The following CADM2 variants were observed in gnomAD, a reference collection of about 807,000 sequenced individuals.
CADM2 encodes the protein immunoglobulin superfamily member 4D.
In CADM2, 12 loss-of-function variants were observed where a neutral mutation model predicts 49.8. The ratio of observed to expected loss-of-function variants is 0.24; its 90% CI spans 0.15 to 0.39. CADM2 has a LOEUF of 0.39. Ranked by LOEUF, CADM2 falls within the 10% of genes least tolerant of loss-of-function variation. CADM2 has a pLI of 1.00. For missense variants in CADM2, 378 were observed against 492.3 expected (o/e 0.77, Z 2.20); for synonymous variants, 214 against 175.4 (o/e 1.22, Z -1.74).
chr3:85,343,953 C>G (rs1332624104), intron 1 of CADM2, among the ~76,000 whole-genome samples: 1 of 152,126 alleles, frequency 6.6e-6, no homozygotes, highest in Non-Finnish European at 1.5e-5. Context: ...CTGCAAAGTG[C>G]ATGAAGCATT....
At chr3:85,249,032 A>T in intron 1 of CADM2, among the ~76,000 whole-genome samples, 1 of 152,240 alleles carries the variant, frequency 6.6e-6, no homozygotes, top group East Asian at 1.9e-4. Context: ...GGCTTCAAGA[A>T]ATTTTTTTGT....
At chr3:85,122,910 G>A (rs2038914376) in intron 1 of CADM2, among the ~76,000 whole-genome samples, 1 of 151,964 alleles carries the variant, frequency 6.6e-6, no homozygotes, top group Admixed American at 6.6e-5. Flanking sequence ...TCTCAGAAAA[G>A]CTTCCATTAA....
chr3:85,547,018 AT>A (rs1434058068), intron 1 of CADM2, among the ~76,000 whole-genome samples: 1 of 151,932 alleles, frequency 6.6e-6, no homozygotes, highest in Non-Finnish European at 1.5e-5. Flanking sequence ...TATTTTTCTT[AT>A]TTTTTTAATG....
chr3:85,545,213 G>C (rs956812929), intron 1 of CADM2, among the ~76,000 whole-genome samples: 1 of 152,108 alleles, frequency 6.6e-6, no homozygotes, highest in Non-Finnish European at 1.5e-5. Flanking sequence ...TTAAACCTAT[G>C]ACTACAGGAA....
At chr3:85,780,337 C>T (rs977651102) in intron 2 of CADM2, among the ~76,000 whole-genome samples, 4 of 152,152 alleles carry the variant, frequency 2.6e-5, no homozygotes, top group Non-Finnish European at 5.9e-5. Context: ...TCTTCCCACT[C>T]TTGTCCTCAA....
intron 1 of CADM2, among the ~76,000 whole-genome samples, chr3:85,307,927 C>A (rs1356367202): frequency 2.1e-5 from 3 of 145,010 alleles, no homozygotes; most frequent in Admixed American, 1.4e-4. Context: ...CAAAACTGTA[C>A]CCCCAGAAAA....
intron 8 of CADM2, among the ~76,000 whole-genome samples, chr3:86,046,627 T>C (rs75139455): frequency 0.034 from 5,245 of 152,098 alleles, 179 homozygotes; most frequent in African/African-American, 0.085. Context: ...GCTCAAGAAA[T>C]GTCAGTAGGG....
At chr3:85,830,851 A>G (rs967642380) in intron 3 of CADM2, among the ~76,000 whole-genome samples, 2 of 139,216 alleles carry the variant, frequency 1.4e-5, no homozygotes, top group Non-Finnish European at 3.2e-5. Flanking sequence ...ATAAACTTCT[A>G]TTACAGGCCC....
chr3:85,214,843 C>T (rs1172958253), intron 1 of CADM2, among the ~76,000 whole-genome samples: 1 of 152,024 alleles, frequency 6.6e-6, no homozygotes, highest in Non-Finnish European at 1.5e-5. Flanking sequence ...GAGTCCCTCC[C>T]TTCAGAAAAG....
In CADM2 at chr3:85,185,939, GCT is replaced by G. The variant is rs556886973; in HGVS notation, c.61+226272_61+226273del. Among the ~76,000 whole-genome samples, 315 of 152,188 alleles carry G rather than the reference GCT, an allele frequency of 2.1e-3. 1 individual carries two copies. Among genetic ancestry groups the G allele is most frequent in the African/African-American group, 7.5e-3 (310 of 41,524 alleles). On this transcript the variant is annotated intron_variant, in intron 1 of 9. Coordinates refer to ENST00000383699, the MANE Select transcript of CADM2 (RefSeq NM_001167675.2). The stretch of plus-strand genomic sequence containing the variant: ...CTTCAACCGCAAAAGAAATTCTAGA[GCT>G]TTTCGAAGGAGATATTATGGCAATT...
At chr3:85,014,172 G>T (rs1432479767) in intron 1 of CADM2, among the ~76,000 whole-genome samples, 1 of 146,412 alleles carries the variant, frequency 6.8e-6, no homozygotes, top group Non-Finnish European at 1.5e-5. Flanking sequence ...TATATACGCA[G>T]TGTAATAATA....
At chr3:85,021,654 A>T (rs1178944195) in intron 1 of CADM2, among the ~76,000 whole-genome samples, 2 of 152,078 alleles carry the variant, frequency 1.3e-5, no homozygotes, top group Non-Finnish European at 2.9e-5. Flanking sequence ...GGGTGCTTGT[A>T]ATCCCAGCTT....
chr3:85,921,108 A>C (rs1342501929), intron 6 of CADM2, among the ~76,000 whole-genome samples: 1 of 151,908 alleles, frequency 6.6e-6, no homozygotes, highest in African/African-American at 2.4e-5. Flanking sequence ...TAAAAATGAG[A>C]CATAAATGAC....
intron 3 of CADM2, among the ~76,000 whole-genome samples, chr3:85,855,585 C>T (rs1186831057): frequency 1.7e-5 from 2 of 120,178 alleles, no homozygotes; most frequent in African/African-American, 5.6e-5. Context: ...ATATAAAAAA[C>T]ATATATATAT....
chr3:86,061,904 A>C (rs1052498288), intron 8 of CADM2, among the ~76,000 whole-genome samples: 5 of 151,668 alleles, frequency 3.3e-5, no homozygotes, highest in Non-Finnish European at 5.9e-5. Context: ...ACTTTTCCAC[A>C]TCAGAATGGC....
At chr3:85,501,704 T>A (rs1485207065) in intron 1 of CADM2, among the ~76,000 whole-genome samples, 1 of 152,140 alleles carries the variant, frequency 6.6e-6, no homozygotes. Context: ...ATTACATACA[T>A]GTATATATAC....
At chr3:85,591,686 G>T (rs1489219621) in intron 1 of CADM2, among the ~76,000 whole-genome samples, 1 of 152,008 alleles carries the variant, frequency 6.6e-6, no homozygotes, top group African/African-American at 2.4e-5. Flanking sequence ...TTCACCAAGA[G>T]AGAATAATTT....
intron 1 of CADM2, among the ~76,000 whole-genome samples, chr3:85,492,923 A>C (rs954044799): frequency 6.6e-6 from 1 of 152,132 alleles, no homozygotes; most frequent in Admixed American, 6.6e-5. Context: ...GCCTGGTACT[A>C]GACTGTTTAT....
chr3:85,982,533 A>G (rs912356434), intron 8 of CADM2, among the ~76,000 whole-genome samples: 1 of 151,644 alleles, frequency 6.6e-6, no homozygotes, highest in Non-Finnish European at 1.5e-5. Context: ...CCTAACGCCC[A>G]TTTTTCCTTC....
Sources: gnomAD v4.1 joint callset for allele counts (sites outside exome capture counted in the v4.1 genomes callset) on GRCh38, gnomAD v4.1.1 for gene constraint, MANE v1.5 for transcripts, NCBI Gene and HGNC (gene_info 2026-07-23, HGNC 2026-07-21) for gene names.